Variants in SCHIP1 observed in about 807,000 individuals in gnomAD.
The protein encoded by SCHIP1 is schwannomin-interacting protein 1.
SCHIP1 carries 8 observed loss-of-function variants against 29.7 expected under a neutral mutation model. The observed-to-expected ratio is 0.27, with a 90% CI of 0.16 to 0.49. The LOEUF (loss-of-function observed/expected upper bound fraction) is 0.49. Ranked by LOEUF, SCHIP1 falls within the 20% of genes least tolerant of loss-of-function variation. SCHIP1 has a pLI of 0.99. For synonymous variants in SCHIP1, 76 were observed against 94.9 expected (o/e 0.80, Z 1.16); for missense variants, 193 against 294.6 (o/e 0.66, Z 2.52).
the SCHIP1 span, among the ~76,000 whole-genome samples, chr3:159,287,796 C>T: frequency 3.3e-5 from 5 of 152,282 alleles, no homozygotes; most frequent in African/African-American, 1.2e-4. Flanking sequence ...AGCTAAAAGG[C>T]AGCCAGCTCA....
the SCHIP1 span, among the ~76,000 whole-genome samples, chr3:159,470,797 T>C: frequency 2.6e-5 from 4 of 151,938 alleles, no homozygotes; most frequent in Admixed American, 6.6e-5. Context: ...TACTCATCAA[T>C]AAAAAGGAAT....
intron 3 of SCHIP1, 114 bp from the exon 5 acceptor site, chr3:159,887,594 G>A (rs1717090564): frequency 8.8e-7 from 1 of 1,140,582 alleles, no homozygotes; most frequent in Non-Finnish European, 1.3e-6. Flanking sequence ...TCACATTGAG[G>A]GAGGGAACTC....
the SCHIP1 span, among the ~76,000 whole-genome samples, chr3:159,350,771 G>A: frequency 3.3e-5 from 5 of 152,066 alleles, no homozygotes; most frequent in Admixed American, 3.3e-4. Context: ...GGCAAGAGCA[G>A]CAATAATCTA....
rs560424275 is a variant in SCHIP1 at position 159,887,396 on chromosome 3, C to A, written c.268-312C>A. On this transcript the variant is annotated intron_variant, in intron 3 of 6. Coordinates refer to ENST00000445224, the Ensembl canonical transcript of SCHIP1. ...AAGAACCTACGTAGGGCCTTGGCTTCGAGTCAATATTTTGTTATGTCTGTT... is the reference window on the plus strand; with the variant it reads ...AAGAACCTACGTAGGGCCTTGGCTTAGAGTCAATATTTTGTTATGTCTGTT... The A allele has an allele frequency of 1.0e-3, 300 of 294,382 alleles. 3 individuals are homozygous for A. Among genetic ancestry groups the A allele is most frequent in the Admixed American group, 1.9e-3 (41 of 21,552 alleles). 18.2% of individuals were successfully genotyped at this position (294,382 alleles called of 1,614,324 possible).
At chr3:159,745,419 T>G in the SCHIP1 span, among the ~76,000 whole-genome samples, 2 of 152,142 alleles carry the variant, frequency 1.3e-5, no homozygotes, top group African/African-American at 2.4e-5. Flanking sequence ...GAGAGATGGT[T>G]TACTAAAAAT....
chr3:159,632,797 G>C, the SCHIP1 span, among the ~76,000 whole-genome samples: 6 of 152,148 alleles, frequency 3.9e-5, no homozygotes, highest in Admixed American at 6.6e-5. Flanking sequence ...CCCTGATGTT[G>C]ATGATACTCA....
the SCHIP1 span, among the ~76,000 whole-genome samples, chr3:159,674,309 G>A: frequency 2.6e-5 from 4 of 152,252 alleles, no homozygotes; most frequent in African/African-American, 7.2e-5. Context: ...GTCAGGGAGA[G>A]GGGCACCAAG....
At chr3:159,340,254 C>T in the SCHIP1 span, among the ~76,000 whole-genome samples, 1 of 151,644 alleles carries the variant, frequency 6.6e-6, no homozygotes, top group Non-Finnish European at 1.5e-5. Context: ...GATGGAAAAC[C>T]CTCTCTCATT....
the SCHIP1 span, among the ~76,000 whole-genome samples, chr3:159,504,220 T>C: frequency 6.6e-6 from 1 of 152,170 alleles, no homozygotes; most frequent in African/African-American, 2.4e-5. Context: ...AAAATCCTGT[T>C]ATAGGAAACA....
chr3:159,844,946 G>A (rs1219057502), intron 1 of SCHIP1, among the ~76,000 whole-genome samples: 3 of 152,204 alleles, frequency 2.0e-5, no homozygotes, highest in South Asian at 4.1e-4. Context: ...CCTCCCTTGG[G>A]AGCATAAAGA....
chr3:159,585,440 T>C, the SCHIP1 span, among the ~76,000 whole-genome samples: 1 of 152,184 alleles, frequency 6.6e-6, no homozygotes, highest in Non-Finnish European at 1.5e-5. Flanking sequence ...TGTTCCATTT[T>C]CATGTTGTTC....
the SCHIP1 span, among the ~76,000 whole-genome samples, chr3:159,818,230 G>A: frequency 1.3e-3 from 198 of 152,302 alleles, no homozygotes; most frequent in South Asian, 3.3e-3. Flanking sequence ...TGCTCTTATC[G>A]TATGGCCCCA....
the SCHIP1 span, among the ~76,000 whole-genome samples, chr3:159,382,310 A>C: frequency 2.1e-5 from 3 of 139,626 alleles, no homozygotes; most frequent in Non-Finnish European, 4.6e-5. Context: ...TCATGTGTCC[A>C]TGTGTTCTCA....
At chr3:159,792,633 C>T in the SCHIP1 span, among the ~76,000 whole-genome samples, 1 of 152,212 alleles carries the variant, frequency 6.6e-6, no homozygotes, top group Non-Finnish European at 1.5e-5. Context: ...TAGTCATTGG[C>T]CTAGAAGGAA....
chr3:159,396,608 G>C, the SCHIP1 span, among the ~76,000 whole-genome samples: 1 of 151,720 alleles, frequency 6.6e-6, no homozygotes, highest in East Asian at 1.9e-4. Flanking sequence ...ATGAAATTCT[G>C]GGTTGAAAAT....
chr3:159,824,429 G>A, the SCHIP1 span, among the ~76,000 whole-genome samples: 4 of 152,100 alleles, frequency 2.6e-5, no homozygotes, highest in Non-Finnish European at 5.9e-5. Flanking sequence ...TCATTTATCT[G>A]GACAGAAGGC....
the SCHIP1 span, among the ~76,000 whole-genome samples, chr3:159,686,165 A>G: frequency 5.8e-4 from 89 of 152,350 alleles, no homozygotes; most frequent in African/African-American, 2.1e-3. Context: ...TCAGACAACT[A>G]CAGAAAGAGT....
chr3:159,413,015 T>C, the SCHIP1 span, among the ~76,000 whole-genome samples: 6 of 152,092 alleles, frequency 3.9e-5, no homozygotes, highest in Non-Finnish European at 2.9e-5. Context: ...CTTACGATCA[T>C]GACGAAAGGG....
the SCHIP1 span, among the ~76,000 whole-genome samples, chr3:159,646,298 G>T: frequency 3.9e-5 from 6 of 152,174 alleles, no homozygotes; most frequent in African/African-American, 1.4e-4. Context: ...TTCAGCCTCA[G>T]CTTTTAGCTT....
Sources: allele counts gnomAD v4.1 joint callset (sites outside exome capture counted in the v4.1 genomes callset), GRCh38; gene constraint gnomAD v4.1.1; transcripts MANE v1.5; gene names NCBI Gene and HGNC (gene_info 2026-07-23, HGNC 2026-07-21).